The following ZNF385D variants were observed in gnomAD, a reference collection of about 807,000 sequenced individuals.
ZNF385D encodes the protein zinc finger protein 385D, also known as zinc finger protein 659.
A neutral mutation model predicts 35.8 loss-of-function variants in ZNF385D; 15 were observed. The observed-to-expected ratio is 0.42, with a 90% CI of 0.28 to 0.64. The LOEUF is 0.64. Ranked by LOEUF, ZNF385D falls within the 30% of genes least tolerant of loss-of-function variation. The pLI, the probability that ZNF385D is intolerant of heterozygous loss-of-function variation, is 0.23. For missense variants in ZNF385D, 474 were observed against 494.6 expected (o/e 0.96, Z 0.39); for synonymous variants, 212 against 186.8 (o/e 1.13, Z -1.10).
chr3:21,970,896 G>A (rs1029496314), intron 3 of ZNF385D, among the ~76,000 whole-genome samples: 1 of 151,892 alleles, frequency 6.6e-6, no homozygotes, highest in East Asian at 1.9e-4. Flanking sequence ...TACAGGCCAG[G>A]AGAGAGTGGC....
In ZNF385D at chr3:22,201,765, C is replaced by T. The variant is rs115792936; in HGVS notation, c.107-32730G>A. The stretch of plus-strand genomic sequence containing the variant: ...CAGGAAGGCATGGTAAGTAAGCACA[C>T]ATTCACTATAAAATTAAACAACTGA... On this transcript the variant is annotated intron_variant, in intron 2 of 5. Transcript: ENST00000494108. 3.6e-3 allele frequency among the ~76,000 whole-genome samples: 546 copies of T among 151,830 alleles called. 6 individuals are homozygous for T. The highest frequency in any genetic ancestry group is 0.012 in the African/African-American group (512 of 41,468).
At chr3:22,166,918 A>G (rs889498067) in intron 3 of ZNF385D, among the ~76,000 whole-genome samples, 4 of 152,272 alleles carry the variant, frequency 2.6e-5, no homozygotes, top group Non-Finnish European at 5.9e-5. Flanking sequence ...TTGGAATTGA[A>G]TCGTGCTGTA....
chr3:21,980,230 C>T (rs1454984979), intron 3 of ZNF385D, among the ~76,000 whole-genome samples: 1 of 152,216 alleles, frequency 6.6e-6, no homozygotes, highest in Non-Finnish European at 1.5e-5. Context: ...ATCCTCCAGC[C>T]CCAGTCAAGC....
Position 22,165,402 on chromosome 3 carries a change from G to C in ZNF385D, c.325+3415C>G, listed in dbSNP as rs1353130575. ...CTGTGGAAAGATGACAGTTTACTAT[G>C]CTAGGAATCTTATGGGAGCTGATCA... On this transcript the variant is annotated intron_variant, in intron 3 of 5. Coordinates refer to the ZNF385D transcript ENST00000494108. Among the ~76,000 whole-genome samples, 4 of 152,176 alleles carry C rather than the reference G, an allele frequency of 2.6e-5. No individual in the cohort carries two copies. In the East Asian group the frequency reaches 7.7e-4, roughly 29 times the overall value.
chr3:21,893,196 A>G (rs551278519), intron 3 of ZNF385D, among the ~76,000 whole-genome samples: 9 of 152,286 alleles, frequency 5.9e-5, no homozygotes, highest in Admixed American at 5.2e-4. Flanking sequence ...GAGTATTGGT[A>G]GATTAGAAGC....
chr3:21,610,955 G>A (rs1184873547), intron 2 of ZNF385D, among the ~76,000 whole-genome samples: 6 of 152,186 alleles, frequency 3.9e-5, no homozygotes, highest in African/African-American at 1.4e-4. Context: ...CCCGTGGACT[G>A]TTGAACTAGG....
At chr3:22,023,151 A>C (rs998151307) in intron 3 of ZNF385D, among the ~76,000 whole-genome samples, 1 of 152,164 alleles carries the variant, frequency 6.6e-6, no homozygotes, top group African/African-American at 2.4e-5. Context: ...AGCCTTCCAA[A>C]TGATATGGCT....
intron 3 of ZNF385D, among the ~76,000 whole-genome samples, chr3:21,553,182 A>G (rs1313317155): frequency 6.6e-6 from 1 of 152,170 alleles, no homozygotes; most frequent in East Asian, 1.9e-4. Context: ...CTTGCAGACA[A>G]CCTGACTTTA....
intron 1 of ZNF385D, among the ~76,000 whole-genome samples, chr3:21,679,146 A>C (rs1210244344): frequency 6.6e-6 from 1 of 152,086 alleles, no homozygotes; most frequent in Non-Finnish European, 1.5e-5. Context: ...TCCAAAGGAA[A>C]TTAACAGCTA....
chr3:21,686,392 T>A (rs1254545765), intron 1 of ZNF385D, among the ~76,000 whole-genome samples: 1 of 152,274 alleles, frequency 6.6e-6, no homozygotes, highest in South Asian at 2.1e-4. Context: ...CCATTTGTAG[T>A]TGCTGTGAGA....
At chr3:21,637,507 A>G (rs2125850293) in intron 2 of ZNF385D, among the ~76,000 whole-genome samples, 1 of 152,202 alleles carries the variant, frequency 6.6e-6, no homozygotes. Flanking sequence ...TTTGGTGACC[A>G]TGGCCTTACA....
intron 3 of ZNF385D, among the ~76,000 whole-genome samples, chr3:22,092,325 T>C (rs1397777027): frequency 6.6e-6 from 1 of 152,186 alleles, no homozygotes; most frequent in Admixed American, 6.5e-5. Flanking sequence ...TTCTTGACGT[T>C]GGCTCCTACA....
intron 3 of ZNF385D, chr3:21,849,762 TA>T (rs1248370459): frequency 2.0e-5 from 3 of 151,970 alleles, no homozygotes; most frequent in Non-Finnish European, 4.4e-5. Flanking sequence ...AATTGAATAT[TA>T]TTGAGTAGAG....
chr3:21,862,636 C>G (rs1697119213), intron 3 of ZNF385D, among the ~76,000 whole-genome samples: 1 of 152,080 alleles, frequency 6.6e-6, no homozygotes, highest in Non-Finnish European at 1.5e-5. Context: ...CTAAAGAGAG[C>G]TAACTGAATT....
In ZNF385D at chr3:21,539,269, T is replaced by C. The variant is rs1183821733; in HGVS notation, c.276+25305A>G. Among the ~76,000 whole-genome samples, 4 of 152,166 alleles carry C rather than the reference T, an allele frequency of 2.6e-5. No individual in the cohort carries two copies. The highest frequency in any genetic ancestry group is 4.8e-5 in the African/African-American group (2 of 41,446). ...TGCCTATTCAGTGCTGTGTGGCTTC[T>C]ACATTTCTACATAGATCACTTTCTC... is the stretch of plus-strand genomic sequence containing the variant. On this transcript the variant is annotated intron_variant, in intron 3 of 7. Coordinates refer to ENST00000281523, the MANE Select transcript of ZNF385D (RefSeq NM_024697.3). This position sits in a 1 kb window ranked among gnomAD's most constrained non-coding sequence, Gnocchi z 4.0.
At chr3:22,337,290 G>T (rs1203114362) in intron 2 of ZNF385D, among the ~76,000 whole-genome samples, 2 of 152,054 alleles carry the variant, frequency 1.3e-5, no homozygotes, top group South Asian at 4.1e-4. Flanking sequence ...CCCAGATTTT[G>T]AAAGGTCGAG....
intron 3 of ZNF385D, among the ~76,000 whole-genome samples, chr3:22,161,215 T>C (rs1199123376): frequency 3.9e-5 from 6 of 152,082 alleles, no homozygotes; most frequent in Non-Finnish European, 8.8e-5. Flanking sequence ...ATATATATCA[T>C]AAAATGTAGT....
At chr3:22,065,852 T>G (rs548724614) in intron 3 of ZNF385D, among the ~76,000 whole-genome samples, 86 of 152,332 alleles carry the variant, frequency 5.6e-4, no homozygotes, top group Admixed American at 8.5e-4. Flanking sequence ...CTCCTCATTT[T>G]GATTCTGGAA....
At chr3:21,696,475 A>G (rs1057475522) in intron 1 of ZNF385D, among the ~76,000 whole-genome samples, 1 of 152,228 alleles carries the variant, frequency 6.6e-6, no homozygotes, top group Non-Finnish European at 1.5e-5. Flanking sequence ...CATAATCATT[A>G]TATACAGTCA....
Sources: allele counts gnomAD v4.1 joint callset (sites outside exome capture counted in the v4.1 genomes callset), GRCh38; gene constraint gnomAD v4.1.1; non-coding constraint Gnocchi (gnomAD v3.1); transcripts MANE v1.5; gene names NCBI Gene and HGNC (gene_info 2026-07-23, HGNC 2026-07-21).